The following PIP4K2A variants were observed in gnomAD, a reference collection of about 807,000 sequenced individuals.
PIP4K2A encodes the protein phosphatidylinositol 5-phosphate 4-kinase type-2 alpha.
Under a neutral mutation model 42.9 loss-of-function variants are expected in PIP4K2A, and 14 were observed. That is an observed-to-expected ratio of 0.33 (90% CI 0.22 to 0.51). PIP4K2A has a LOEUF of 0.51. Among genes scored for constraint, PIP4K2A ranks in the 20% least tolerant of loss-of-function variants. The probability of loss-of-function intolerance (pLI) is 0.97; values close to 1 mark genes in which losing one functional copy is unlikely to be tolerated. For synonymous variants in PIP4K2A, 192 were observed against 192.2 expected (o/e 1.00, Z 0.01); for missense variants, 434 against 519.8 (o/e 0.83, Z 1.61).
intron 3 of PIP4K2A, among the ~76,000 whole-genome samples, chr10:22,598,220 T>G (rs1837675903): frequency 6.6e-6 from 1 of 152,036 alleles, no homozygotes; most frequent in Non-Finnish European, 1.5e-5. Context: ...TAGCCGGATG[T>G]GGTGGTGCGT....
At chr10:22,608,419 A>C (rs1837957537) in intron 2 of PIP4K2A, among the ~76,000 whole-genome samples, 1 of 152,204 alleles carries the variant, frequency 6.6e-6, no homozygotes, top group East Asian at 1.9e-4. Context: ...TGAGGAAAGG[A>C]GGGCCACTCC....
At chr10:22,693,930 C>T (rs189872365) in intron 1 of PIP4K2A, 1 of 152,216 alleles carries the variant, frequency 6.6e-6, no homozygotes, top group Non-Finnish European at 1.5e-5. Flanking sequence ...GAGTCACTCT[C>T]TCCTTCATTT....
intron 3 of PIP4K2A, among the ~76,000 whole-genome samples, chr10:22,604,227 T>C (rs1052272995): frequency 1.3e-5 from 2 of 152,190 alleles, no homozygotes; most frequent in Non-Finnish European, 2.9e-5. Context: ...TTTCATTTCA[T>C]TATCCTTTTC....
intron 6 of PIP4K2A, among the ~76,000 whole-genome samples, chr10:22,564,477 C>T (rs1232603424): frequency 1.3e-5 from 2 of 152,332 alleles, no homozygotes; most frequent in African/African-American, 4.8e-5. Context: ...GCTGGCCTGT[C>T]GTACGATGCT....
intron 8 of PIP4K2A, among the ~76,000 whole-genome samples, chr10:22,540,681 G>A (rs1307167139): frequency 1.3e-5 from 2 of 152,068 alleles, no homozygotes; most frequent in East Asian, 1.9e-4. Flanking sequence ...TCAGCCTGCC[G>A]AGTAGCCGGG....
intron 4 of PIP4K2A, among the ~76,000 whole-genome samples, chr10:22,584,347 G>C (rs1211006646): frequency 6.6e-6 from 1 of 151,682 alleles, no homozygotes; most frequent in East Asian, 1.9e-4. Flanking sequence ...TAGAACAGTT[G>C]AAGAGACACT....
At chr10:22,703,764 G>C (rs2130920161) in intron 1 of PIP4K2A, among the ~76,000 whole-genome samples, 1 of 152,324 alleles carries the variant, frequency 6.6e-6, no homozygotes, top group South Asian at 2.1e-4. Context: ...AATGCCGGGA[G>C]ACCAAACAGG....
chr10:22,604,563 T>C (rs1387608517), intron 3 of PIP4K2A, among the ~76,000 whole-genome samples: 3 of 152,146 alleles, frequency 2.0e-5, no homozygotes, highest in Non-Finnish European at 2.9e-5. Context: ...AGCTATCCAG[T>C]GTCCTCCAAA....
intron 1 of PIP4K2A, among the ~76,000 whole-genome samples, chr10:22,658,271 G>A (rs555803113): frequency 6.6e-6 from 1 of 152,158 alleles, no homozygotes; most frequent in African/African-American, 2.4e-5. Context: ...GAGACTAAAA[G>A]TGTTGAATGT....
At chr10:22,597,661 C>T (rs1374912668) in intron 3 of PIP4K2A, among the ~76,000 whole-genome samples, 2 of 149,148 alleles carry the variant, frequency 1.3e-5, no homozygotes, top group East Asian at 2.0e-4. Context: ...TTAAAAAAAA[C>T]GAGAAGGGAA....
At chr10:22,646,665 G>C (rs1164069242) in intron 1 of PIP4K2A, among the ~76,000 whole-genome samples, 1 of 152,196 alleles carries the variant, frequency 6.6e-6, no homozygotes, top group Non-Finnish European at 1.5e-5. Flanking sequence ...ACCTGCGTTT[G>C]TAACTTGGGA....
Position 22,608,036 on chromosome 10 carries a change from C to G in PIP4K2A, c.243-13G>C. On this transcript the variant is annotated splice_polypyrimidine_tract_variant and intron_variant, in intron 2 of 9. Coordinates refer to ENST00000376573, the MANE Select transcript of PIP4K2A (RefSeq NM_005028.5). ...CGGCATGTTTTCTCTGAAACAGTCA[C>G]AGCGTGGAATAAAGCTCAGAGAGAG... is the stretch of plus-strand genomic sequence containing the variant. 1 of 1,551,262 alleles carries G rather than the reference C, an allele frequency of 6.4e-7. No homozygotes were observed. Among genetic ancestry groups the G allele is most frequent in the Non-Finnish European group, 8.9e-7 (1 of 1,123,934 alleles).
chr10:22,581,948 C>A (rs1417684178), intron 4 of PIP4K2A, among the ~76,000 whole-genome samples: 1 of 149,932 alleles, frequency 6.7e-6, no homozygotes, highest in African/African-American at 2.5e-5. Flanking sequence ...CCCATCTCTA[C>A]AAAAAAAAAT....
rs1037622167 is a variant in PIP4K2A, at chr10:22,538,799, G to A, written c.1140+1172C>T. ...GGCACACTTGCTTACTGACGTGCTC[G>A]GGGGCGGTGAGGTCCCAGTCTGTGC... On this transcript the variant is annotated intron_variant, in intron 9 of 9. Transcript: ENST00000376573. Among the ~76,000 whole-genome samples the A allele has an allele frequency of 8.6e-5, 12 of 138,782 alleles. 2 individuals carry two copies. The highest frequency in any genetic ancestry group is 2.2e-4 in the South Asian group (1 of 4,534). 91.0% of individuals were successfully genotyped at this position (138,782 alleles called of 152,430 possible). A position where few individuals can be genotyped will look rare whatever the true frequency, so the allele number is the denominator to read the frequency against.
rs764023973 is a variant in PIP4K2A at position 22,535,996 on chromosome 10, A to C, written c.*1205T>G. On this transcript the variant is annotated 3_prime_UTR_variant, in exon 10 of 10. Transcript: ENST00000376573. Reference sequence around the variant, plus strand: ...GCAGGATACGTCTCAAAATATGACAAACGTTATTTCACCTATACTGTGACT... The same window carrying C: ...GCAGGATACGTCTCAAAATATGACACACGTTATTTCACCTATACTGTGACT... 1.0e-4 allele frequency: 40 copies of C among 397,250 alleles called. No homozygotes were observed. Among genetic ancestry groups the C allele is most frequent in the Non-Finnish European group, 1.6e-4 (37 of 225,454 alleles). The allele number at this position is 397,250 out of a possible 1,614,324, so 24.6% of individuals were successfully genotyped here.
chr10:22,561,565 G>GTTT lies in PIP4K2A; in HGVS notation c.678+6283_678+6285dup, dbSNP rs71394001. 1.2e-4 allele frequency among the ~76,000 whole-genome samples: 14 copies of GTTT among 113,498 alleles called. 3 individuals carry two copies. The highest frequency in any genetic ancestry group is 1.6e-4 in the Non-Finnish European group (9 of 57,618). The allele number at this position is 113,498 out of a possible 152,430, so 74.5% of individuals were successfully genotyped here. A position where few individuals can be genotyped will look rare whatever the true frequency, so the allele number is the denominator to read the frequency against. On this transcript the variant is annotated intron_variant, in intron 6 of 9. Coordinates refer to ENST00000376573, the MANE Select transcript of PIP4K2A (RefSeq NM_005028.5). ...TATGTCACCAGAGATTCTCTACGCAGTTTTTTTTTTTTTTTTTTTTTTTTT... is the reference window on the plus strand; with the variant it reads ...TATGTCACCAGAGATTCTCTACGCAGTTTTTTTTTTTTTTTTTTTTTTTTTTTT...
intron 1 of PIP4K2A, 117 bp downstream of exon 1, chr10:22,714,066 G>C: frequency 9.3e-7 from 1 of 1,077,936 alleles, no homozygotes; most frequent in African/African-American, 1.6e-5. Flanking sequence ...CGAGCAGCCG[G>C]AGGTCCAGGG....
intron 3 of PIP4K2A, among the ~76,000 whole-genome samples, chr10:22,601,130 CAAAAAAAAAAAAAAAAAAA>C (rs1188396077): frequency 1.6e-4 from 5 of 31,896 alleles, no homozygotes; most frequent in Non-Finnish European, 3.5e-4. Flanking sequence ...GAGACTGTCT[CAAAAAAAAAAAAAAAAAAA>C]AAAAAAAAAA....
chr10:22,654,327 G>A (rs932407111), intron 1 of PIP4K2A, among the ~76,000 whole-genome samples: 2 of 151,948 alleles, frequency 1.3e-5, no homozygotes, highest in Non-Finnish European at 2.9e-5. Flanking sequence ...CACTATTAAG[G>A]AAATGAAAAA....
Sources: gnomAD v4.1 joint callset for allele counts (sites outside exome capture counted in the v4.1 genomes callset) on GRCh38, gnomAD v4.1.1 for gene constraint, MANE v1.5 for transcripts, NCBI Gene and HGNC (gene_info 2026-07-23, HGNC 2026-07-21) for gene names.